FSTL4: variants seen among roughly 807,000 people sequenced by gnomAD.
The protein encoded by FSTL4 is follistatin-related protein 4.
A neutral mutation model predicts 78.2 loss-of-function variants in FSTL4; 28 were observed. That is an observed-to-expected ratio of 0.36 (90% CI 0.27 to 0.49). The LOEUF is 0.49. Ranked by LOEUF, FSTL4 falls within the 20% of genes least tolerant of loss-of-function variation. The probability of loss-of-function intolerance (pLI) is 0.98; values close to 1 mark genes in which losing one functional copy is unlikely to be tolerated. For synonymous variants in FSTL4, 422 were observed against 440.5 expected (o/e 0.96, Z 0.53); for missense variants, 922 against 1,084.9 (o/e 0.85, Z 2.11).
chr5:133,358,056 A>G (rs1229664327), intron 4 of FSTL4, among the ~76,000 whole-genome samples: 1 of 152,282 alleles, frequency 6.6e-6, no homozygotes, highest in South Asian at 2.1e-4. Context: ...GCCACCTGCT[A>G]TCTGCTCAGC....
chr5:133,758,334 C>CA, the FSTL4 span, among the ~76,000 whole-genome samples: 1 of 152,040 alleles, frequency 6.6e-6, no homozygotes, highest in African/African-American at 2.4e-5. Flanking sequence ...TTAGAAAATA[C>CA]AAAAATAAAT....
At chr5:133,650,207 C>T in the FSTL4 span, among the ~76,000 whole-genome samples, 1 of 152,152 alleles carries the variant, frequency 6.6e-6, no homozygotes. Context: ...GGATTCACCC[C>T]CATGACCCAA....
the FSTL4 span, chr5:133,720,516 T>A: frequency 6.5e-6 from 1 of 153,780 alleles, no homozygotes; most frequent in Non-Finnish European, 1.5e-5. Flanking sequence ...GAAGAAGTTC[T>A]GTAATTAGTG....
chr5:133,255,904 G>T (rs1752368784), intron 6 of FSTL4, among the ~76,000 whole-genome samples: 2 of 152,164 alleles, frequency 1.3e-5, no homozygotes, highest in Non-Finnish European at 1.5e-5. Context: ...ACTTGAACTC[G>T]ATAAGACACT....
intron 3 of FSTL4, among the ~76,000 whole-genome samples, chr5:133,452,628 T>C (rs1757407847): frequency 6.6e-6 from 1 of 152,256 alleles, no homozygotes; most frequent in African/African-American, 2.4e-5. Flanking sequence ...TTAAATGTAC[T>C]GTGTAGATGA....
intron 3 of FSTL4, among the ~76,000 whole-genome samples, chr5:133,554,297 C>T (rs1436436242): frequency 3.3e-5 from 5 of 152,172 alleles, no homozygotes; most frequent in African/African-American, 1.2e-4. Context: ...CAGTGGTGGG[C>T]ACATCTAGTG....
chr5:133,291,517 T>C (rs1753262564), intron 6 of FSTL4, among the ~76,000 whole-genome samples: 1 of 152,208 alleles, frequency 6.6e-6, no homozygotes, highest in Non-Finnish European at 1.5e-5. Flanking sequence ...AGGCCTAAGA[T>C]GCCTACATCC....
At chr5:133,622,932 C>G in the FSTL4 span, among the ~76,000 whole-genome samples, 2 of 152,034 alleles carry the variant, frequency 1.3e-5, no homozygotes, top group Non-Finnish European at 2.9e-5. Context: ...CATTTTTTCC[C>G]TTTTGTGGGT....
chr5:133,214,308 C>T (rs940314905), intron 13 of FSTL4, among the ~76,000 whole-genome samples: 4 of 152,092 alleles, frequency 2.6e-5, no homozygotes, highest in Admixed American at 2.0e-4. Flanking sequence ...CTCAAAGGAT[C>T]GATATTATTC....
At chr5:133,674,611 C>CTGTGTG in the FSTL4 span, among the ~76,000 whole-genome samples, 12 of 138,448 alleles carry the variant, frequency 8.7e-5, no homozygotes, top group African/African-American at 2.6e-4. Context: ...GTGTGTGTGT[C>CTGTGTG]TGTGTGTGTG....
intron 3 of FSTL4, among the ~76,000 whole-genome samples, chr5:133,547,055 T>A (rs1315246334): frequency 6.6e-6 from 1 of 152,182 alleles, no homozygotes. Context: ...GCCATGGGAA[T>A]GGAATCACCA....
rs1759604399 is a variant in FSTL4 at position 133,547,447 on chromosome 5, G to A, written c.160+19739C>T. Among the ~76,000 whole-genome samples, 3 of 152,178 alleles carry A rather than the reference G, an allele frequency of 2.0e-5. No homozygotes were observed. In the South Asian group the frequency reaches 6.2e-4, roughly 31 times the overall value. ...TGTGAGAAGAACATGAAATTCTGGGGGGCAGGTGTGAAATGCTATGGTTTC... is the reference window on the plus strand; with the variant it reads ...TGTGAGAAGAACATGAAATTCTGGGAGGCAGGTGTGAAATGCTATGGTTTC... On this transcript the variant is annotated intron_variant, in intron 3 of 15. Transcript: ENST00000265342.
intron 4 of FSTL4, among the ~76,000 whole-genome samples, chr5:133,363,492 T>G (rs1270845084): frequency 1.3e-5 from 2 of 152,104 alleles, no homozygotes; most frequent in East Asian, 3.9e-4. Context: ...AGGAAGGTCT[T>G]CCCTGACCAC....
chr5:133,598,568 C>T (rs599959), intron 2 of FSTL4, among the ~76,000 whole-genome samples: 13,764 of 151,344 alleles, frequency 0.091, 764 homozygotes, highest in African/African-American at 0.15. Flanking sequence ...ACCTGAAAAA[C>T]GAATATCCAC....
chr5:133,254,830 G>T (rs1323306056), intron 6 of FSTL4, among the ~76,000 whole-genome samples: 1 of 152,216 alleles, frequency 6.6e-6, no homozygotes, highest in Non-Finnish European at 1.5e-5. Context: ...GATGGCGAGG[G>T]TCTGGAATTT....
chr5:133,389,634 C>G (rs952898017), intron 4 of FSTL4, among the ~76,000 whole-genome samples: 2 of 152,156 alleles, frequency 1.3e-5, no homozygotes, highest in African/African-American at 4.8e-5. Context: ...CATCACCCAC[C>G]TATCCAGAAA....
the FSTL4 span, among the ~76,000 whole-genome samples, chr5:133,714,090 C>A: frequency 6.6e-6 from 1 of 152,130 alleles, no homozygotes; most frequent in Non-Finnish European, 1.5e-5. Context: ...GACACAGCAC[C>A]AAGGGCTCGT....
At chr5:133,460,842 G>A (rs1757577719) in intron 3 of FSTL4, among the ~76,000 whole-genome samples, 1 of 152,200 alleles carries the variant, frequency 6.6e-6, no homozygotes, top group African/African-American at 2.4e-5. Flanking sequence ...CATGCTCTGA[G>A]GCTAACTTCT....
chr5:133,623,517 T>G, the FSTL4 span, among the ~76,000 whole-genome samples: 1 of 151,992 alleles, frequency 6.6e-6, no homozygotes, highest in Non-Finnish European at 1.5e-5. Flanking sequence ...AATTATGACC[T>G]AAACAAAAGA....
Sources: allele counts gnomAD v4.1 joint callset (sites outside exome capture counted in the v4.1 genomes callset), GRCh38; gene constraint gnomAD v4.1.1; transcripts MANE v1.5; gene names NCBI Gene and HGNC (gene_info 2026-07-23, HGNC 2026-07-21).